The following CCDC73 variants were observed in gnomAD, a reference collection of about 807,000 sequenced individuals.
The protein encoded by CCDC73 is coiled-coil domain containing 73, also known as coiled-coil domain-containing protein 73.
CCDC73 carries 95 observed loss-of-function variants against 116.5 expected under a neutral mutation model. The ratio of observed to expected loss-of-function variants is 0.82; its 90% CI spans 0.69 to 0.97. CCDC73 has a LOEUF of 0.97. Ranked by LOEUF, CCDC73 falls within the 50% of genes least tolerant of loss-of-function variation. The probability of loss-of-function intolerance (pLI) is 0.00; values close to 1 mark genes in which losing one functional copy is unlikely to be tolerated. For synonymous variants in CCDC73, 398 were observed against 401.3 expected, an observed-to-expected ratio of 0.99 and a Z score of 0.10; for missense variants, 1,066 against 1,206.8, an observed-to-expected ratio of 0.88 and a Z score of 1.73.
chr11:32,662,441 A>T (rs1218174763), intron 9 of CCDC73, among the ~76,000 whole-genome samples: 3 of 151,986 alleles, frequency 2.0e-5, no homozygotes, highest in Non-Finnish European at 4.4e-5. Flanking sequence ...GCCAGTGATG[A>T]TGAGCATTTT....
chr11:32,732,925 C>T (rs11529896), intron 2 of CCDC73, among the ~76,000 whole-genome samples: 41,145 of 151,984 alleles, frequency 0.27, 6,441 homozygotes, highest in East Asian at 0.79. Context: ...ATGACATTAA[C>T]CTTAAATGTA....
chr11:32,661,145 A>G (rs201892), intron 9 of CCDC73, among the ~76,000 whole-genome samples: 110,846 of 151,988 alleles, frequency 0.73, 41,308 homozygotes, highest in African/African-American at 0.78. Flanking sequence ...GCAGAATATC[A>G]AATACCTTCA....
At chr11:32,779,212 G>A (rs1159254802) in intron 1 of CCDC73, among the ~76,000 whole-genome samples, 2 of 143,648 alleles carry the variant, frequency 1.4e-5, no homozygotes, top group African/African-American at 5.2e-5. Context: ...TTGCCTCTCT[G>A]CACTATACAA....
intron 3 of CCDC73, among the ~76,000 whole-genome samples, chr11:32,717,487 C>T (rs1200619168): frequency 2.6e-5 from 4 of 152,156 alleles, no homozygotes; most frequent in Non-Finnish European, 5.9e-5. Context: ...ATTCACAGTG[C>T]CGTATCAAAA....
chr11:32,667,805 A>AC (rs1367638373), intron 9 of CCDC73, among the ~76,000 whole-genome samples: 4 of 151,642 alleles, frequency 2.6e-5, no homozygotes, highest in African/African-American at 9.7e-5. Flanking sequence ...TCTTGGAACC[A>AC]CCCCCCAACA....
chr11:32,723,925 T>C (rs1850010959), intron 2 of CCDC73, among the ~76,000 whole-genome samples: 5 of 152,024 alleles, frequency 3.3e-5, no homozygotes, highest in Admixed American at 2.6e-4. Flanking sequence ...GAAGAAAAAA[T>C]TAAAGTTCTA....
chr11:32,615,368 C>T (rs7116407), intron 15 of CCDC73, among the ~76,000 whole-genome samples: 7,422 of 152,164 alleles, frequency 0.049, 214 homozygotes, highest in East Asian at 0.12. Context: ...CCAGCAGTAT[C>T]TAGAAATTGC....
intron 2 of CCDC73, among the ~76,000 whole-genome samples, chr11:32,725,491 T>C (rs974738971): frequency 6.6e-6 from 1 of 152,192 alleles, no homozygotes; most frequent in African/African-American, 2.4e-5. Context: ...TTGTCCTACC[T>C]ACTAGCTTAT....
the CCDC73 span, among the ~76,000 whole-genome samples, chr11:32,809,529 TC>T: frequency 7.2e-5 from 11 of 152,170 alleles, no homozygotes; most frequent in African/African-American, 2.4e-4. Flanking sequence ...AGTTTCCAGA[TC>T]CTGGAGCCTA....
chr11:32,756,766 T>G (rs542836361), intron 2 of CCDC73, among the ~76,000 whole-genome samples: 26 of 152,186 alleles, frequency 1.7e-4, no homozygotes, highest in Non-Finnish European at 3.2e-4. Flanking sequence ...CTTCAAAAAC[T>G]AAATATAATT....
intron 14 of CCDC73, among the ~76,000 whole-genome samples, chr11:32,616,553 CACG>C (rs898941268): frequency 6.6e-5 from 10 of 152,216 alleles, no homozygotes; most frequent in Admixed American, 3.3e-4. Flanking sequence ...GATCATAGTG[CACG>C]ACAAGCCTCA....
At chr11:32,754,102 C>T (rs1016188232) in intron 2 of CCDC73, among the ~76,000 whole-genome samples, 7 of 152,154 alleles carry the variant, frequency 4.6e-5, no homozygotes, top group Admixed American at 4.6e-4. Flanking sequence ...GAACTTCATT[C>T]TTCTCTTTTG....
At chr11:32,727,197 G>A (rs1204621234) in intron 2 of CCDC73, among the ~76,000 whole-genome samples, 1 of 152,140 alleles carries the variant, frequency 6.6e-6, no homozygotes, top group Non-Finnish European at 1.5e-5. Context: ...TCATCACATT[G>A]CATCATGAAT....
intron 1 of CCDC73, among the ~76,000 whole-genome samples, chr11:32,792,790 A>G (rs1850688487): frequency 6.6e-6 from 1 of 152,128 alleles, no homozygotes; most frequent in African/African-American, 2.4e-5. Context: ...TAGCTCCACC[A>G]CTTGTCGGCT....
chr11:32,762,295 T>TA (rs563041110), intron 1 of CCDC73, among the ~76,000 whole-genome samples: 62 of 152,180 alleles, frequency 4.1e-4, no homozygotes, highest in Admixed American at 1.2e-3. Flanking sequence ...GAAAAGATAA[T>TA]AAAAAATTAT....
chr11:32,662,540 T>C (rs1855940445), intron 9 of CCDC73, among the ~76,000 whole-genome samples: 1 of 152,076 alleles, frequency 6.6e-6, no homozygotes, highest in Non-Finnish European at 1.5e-5. Context: ...TTGTTTTTTT[T>C]TTCTTCTTGT....
chr11:32,750,829 C>T (rs1198921080), intron 2 of CCDC73, among the ~76,000 whole-genome samples: 1 of 152,144 alleles, frequency 6.6e-6, no homozygotes, highest in Non-Finnish European at 1.5e-5. Flanking sequence ...GGTACCTAAG[C>T]TGCAAGAAAA....
intron 14 of CCDC73, among the ~76,000 whole-genome samples, chr11:32,619,692 A>G (rs986046415): frequency 1.3e-5 from 2 of 151,704 alleles, no homozygotes; most frequent in Admixed American, 6.6e-5. Context: ...GAGAAGGAAT[A>G]AGAAAGGAGG....
intron 12 of CCDC73, among the ~76,000 whole-genome samples, chr11:32,645,403 G>A (rs902024934): frequency 6.7e-6 from 1 of 148,658 alleles, no homozygotes; most frequent in South Asian, 2.1e-4. Context: ...GCGATTCTCC[G>A]GCCTCAGCCC....
Sources: allele counts gnomAD v4.1 joint callset (sites outside exome capture counted in the v4.1 genomes callset), GRCh38; gene constraint gnomAD v4.1.1; transcripts MANE v1.5; gene names NCBI Gene and HGNC (gene_info 2026-07-23, HGNC 2026-07-21).